The following FAM161A variants were observed in gnomAD, a reference collection of about 807,000 sequenced individuals.
FAM161A encodes protein FAM161A.
In FAM161A, 57 loss-of-function variants were observed where a neutral mutation model predicts 70.9. That is an observed-to-expected ratio of 0.80 (90% CI 0.65 to 1.00). The LOEUF (loss-of-function observed/expected upper bound fraction) is 1.00, where lower values mean the gene tolerates loss of function less well. Among genes scored for constraint, FAM161A ranks in the 50% least tolerant of loss-of-function variants. The probability of loss-of-function intolerance (pLI) is 0.00; values close to 1 mark genes in which losing one functional copy is unlikely to be tolerated. For synonymous variants in FAM161A, 299 were observed against 295.7 expected, an observed-to-expected ratio of 1.01 and a Z score of -0.12; for missense variants, 880 against 836.0, an observed-to-expected ratio of 1.05 and a Z score of -0.65.
At chr2:61,800,486 A>C in the FAM161A span, among the ~76,000 whole-genome samples, 4 of 152,172 alleles carry the variant, frequency 2.6e-5, no homozygotes, top group East Asian at 3.9e-4. Flanking sequence ...TTTCATCTTC[A>C]TGGTGGCAAG....
chr2:61,809,250 C>T, the FAM161A span, among the ~76,000 whole-genome samples: 1 of 152,198 alleles, frequency 6.6e-6, no homozygotes, highest in Non-Finnish European at 1.5e-5. Flanking sequence ...TTCTTCTCAG[C>T]CTCCTTTGCT....
chr2:61,820,654 A>G, downstream of FAM161A: 1 of 501,338 alleles, frequency 2.0e-6, no homozygotes, highest in Non-Finnish European at 3.6e-6. Flanking sequence ...TGATGATGGT[A>G]TTAGAGCTGT....
chr2:61,827,003 A>G, intron 6 of FAM161A, 101 bp downstream of exon 6: 1 of 1,166,454 alleles, frequency 8.6e-7, no homozygotes, highest in East Asian at 2.5e-5. Context: ...GATCTTTTTA[A>G]AACAATATAG....
At chr2:61,804,792 A>AAGAAAGAAAGAG in the FAM161A span, among the ~76,000 whole-genome samples, 1 of 150,524 alleles carries the variant, frequency 6.6e-6, no homozygotes, top group Non-Finnish European at 1.5e-5. Flanking sequence ...GAAAGAAAGA[A>AAGAAAGAAAGAG]AGAAAGAAAG....
At chr2:61,839,338 A>T in intron 3 of FAM161A, 83 bp downstream of exon 3, 4 of 1,283,366 alleles carry the variant, frequency 3.1e-6, no homozygotes. Context: ...AGTATTTTCA[A>T]ATTTACCAAC....
In FAM161A at chr2:61,851,625, C is replaced by T. The variant is rs1161681521; in HGVS notation, c.183+2234G>A. ...GCTGGGAGGAGTGAGATTTTAATTG[C>T]GAATTACAGAATACTGCGTTACCTG... is the stretch of plus-strand genomic sequence containing the variant. On this transcript the variant is annotated intron_variant, in intron 1 of 6. Transcript: ENST00000404929. Among the ~76,000 whole-genome samples the T allele has an allele frequency of 1.4e-4, 21 of 152,164 alleles. 1 individual carries two copies. In the South Asian group the frequency reaches 1.5e-3, roughly 11 times the overall value.
rs376893895 is a variant in FAM161A at position 61,845,950 on chromosome 2, A to G, written c.184-3590T>C. Among the ~76,000 whole-genome samples the G allele has an allele frequency of 3.3e-5, 5 of 152,096 alleles. No individual in the cohort carries two copies. In the East Asian group the frequency reaches 9.7e-4, roughly 29 times the overall value. On this transcript the variant is annotated intron_variant, in intron 1 of 6. Transcript: ENST00000404929. Reference sequence around the variant, plus strand: ...CTAAAAATACAAAAATTAGCCAGGCATGGTGGCGTGTACCTGTAGTCCCAG... The same window carrying G: ...CTAAAAATACAAAAATTAGCCAGGCGTGGTGGCGTGTACCTGTAGTCCCAG...
Position 61,824,996 on chromosome 2 carries a change from A to G in FAM161A, c.*1459T>C, listed in dbSNP as rs901098368. The G allele has an allele frequency of 4.4e-6, 2 of 453,104 alleles. No homozygotes were observed. Among genetic ancestry groups the G allele is most frequent in the African/African-American group, 4.0e-5 (2 of 49,978 alleles). The allele number at this position is 453,104 out of a possible 1,614,324, so 28.1% of individuals were successfully genotyped here. On this transcript the variant is annotated 3_prime_UTR_variant, in exon 7 of 7. Coordinates refer to ENST00000404929, the MANE Select transcript of FAM161A (RefSeq NM_001201543.2). Reference sequence around the variant, plus strand: ...TAATAATAGTAAAAAGTAATTTAACACGAACTGTAGGAAGAAAATTACAAG... The same window carrying G: ...TAATAATAGTAAAAAGTAATTTAACGCGAACTGTAGGAAGAAAATTACAAG...
At chr2:61,803,298 C>T in the FAM161A span, 1 of 635,446 alleles carries the variant, frequency 1.6e-6, no homozygotes, top group Non-Finnish European at 3.0e-6. Context: ...TTTATGATTC[C>T]TTGGATTATG....
chr2:61,823,705 G>C (rs1291766887), downstream of FAM161A, among the ~76,000 whole-genome samples: 1 of 152,044 alleles, frequency 6.6e-6, no homozygotes, highest in East Asian at 1.9e-4. Flanking sequence ...GTGTGTGTTT[G>C]TGTATGTGTA....
chr2:61,830,006 G>T lies in FAM161A; in HGVS notation c.1852-2748C>A, dbSNP rs1423789248. 2.6e-5 allele frequency among the ~76,000 whole-genome samples: 4 copies of T among 151,834 alleles called. No individual in the cohort carries two copies. The East Asian group carries it at 7.7e-4, about 29-fold the overall frequency. On this transcript the variant is annotated intron_variant, in intron 5 of 6. Coordinates refer to ENST00000404929, the MANE Select transcript of FAM161A (RefSeq NM_001201543.2). ...AAAAAAAAAGCAATGGCGATTCACT[G>T]CCATGGTAACTCTGTTTATACTTTT...
the FAM161A span, among the ~76,000 whole-genome samples, chr2:61,817,555 C>G: frequency 3.9e-5 from 6 of 152,164 alleles, no homozygotes; most frequent in Non-Finnish European, 8.8e-5. Flanking sequence ...AGCACAGAGC[C>G]TGGTGGAGTC....
the FAM161A span, among the ~76,000 whole-genome samples, chr2:61,816,597 C>A: frequency 1.1e-4 from 17 of 152,042 alleles, no homozygotes; most frequent in African/African-American, 4.1e-4. Flanking sequence ...GTAGCTGGGA[C>A]CACAGACACA....
chr2:61,841,203 A>G (rs1673008072), intron 2 of FAM161A, among the ~76,000 whole-genome samples: 1 of 151,932 alleles, frequency 6.6e-6, no homozygotes, highest in South Asian at 2.1e-4. Context: ...CCTGCTTGAA[A>G]CTTTTTGATA....
the FAM161A span, among the ~76,000 whole-genome samples, chr2:61,808,796 G>A: frequency 6.6e-6 from 1 of 152,300 alleles, no homozygotes. Flanking sequence ...CAAATAGCGA[G>A]GCAAGATTTG....
Position 61,842,124 on chromosome 2 carries a change from G to A in FAM161A, c.420C>T (p.Ser140=). ...ATAACATTGAGTTACAAGCTTACCTGGAAGAGTCACTAAGAGAGTCTTCTC... is the reference window on the plus strand; with the variant it reads ...ATAACATTGAGTTACAAGCTTACCTAGAAGAGTCACTAAGAGAGTCTTCTC... ...VIREDSLSDS[S]RSVSEKNSYH... The change falls in exon 2 of 7, where the codon TCC becomes TCT. Residue 140 remains serine (S), a splice_region_variant and synonymous_variant. Transcript: ENST00000404929. The A allele has an allele frequency of 1.3e-6, 2 of 1,530,982 alleles. No individual in the cohort carries two copies. Among genetic ancestry groups the A allele is most frequent in the Admixed American group, 1.7e-5 (1 of 59,922 alleles). The allele number at this position is 1,530,982 out of a possible 1,614,324, so 94.8% of individuals were successfully genotyped here.
chr2:61,845,306 A>C (rs2105092266), intron 1 of FAM161A, among the ~76,000 whole-genome samples: 1 of 152,300 alleles, frequency 6.6e-6, no homozygotes. Context: ...GTATTCTGAC[A>C]CCACATCTGT....
Position 61,826,540 on chromosome 2 carries a change from T to A in FAM161A, c.2066A>T (p.Asp689Val). ...CTTGTAAGAATCCTGGCTGTTGGTA[T>A]CAATAAAATAATTTTCTTCCCCATT... ...RENGEENYFI[D>V]TNSQDSYKEK... Residue 689 changes from aspartate to valine, a missense_variant, in exon 7 of 7, where the codon GAT (aspartate) becomes GTT (valine). Asp to Val is a radical substitution (Grantham distance 152). Coordinates refer to ENST00000404929, the MANE Select transcript of FAM161A (RefSeq NM_001201543.2). 6.2e-7 allele frequency: 1 copy of A among 1,602,800 alleles called. No homozygotes were observed. The highest frequency in any genetic ancestry group is 8.5e-7 in the Non-Finnish European group (1 of 1,172,570).
intron 2 of FAM161A, among the ~76,000 whole-genome samples, 193 bp from the exon 3 acceptor site, chr2:61,840,774 C>A (rs1289307379): frequency 2.0e-5 from 3 of 152,112 alleles, no homozygotes; most frequent in Non-Finnish European, 2.9e-5. Flanking sequence ...TCTCAGCCTC[C>A]CGAGTAGCTG....
Sources: allele counts gnomAD v4.1 joint callset (sites outside exome capture counted in the v4.1 genomes callset), GRCh38; gene constraint gnomAD v4.1.1; transcripts MANE v1.5; gene names NCBI Gene and HGNC (gene_info 2026-07-23, HGNC 2026-07-21).